The following EPHA5 variants were observed in gnomAD, a reference collection of about 807,000 sequenced individuals.
The protein encoded by EPHA5 is EPH receptor A5.
EPHA5 carries 60 observed loss-of-function variants against 105.0 expected under a neutral mutation model. That is an observed-to-expected ratio of 0.57 (90% CI 0.46 to 0.71). The LOEUF (loss-of-function observed/expected upper bound fraction) is 0.71, where lower values mean the gene tolerates loss of function less well. EPHA5 is among the 30% of genes least tolerant of loss of function. The pLI is 0.00. For missense variants in EPHA5, 1,218 were observed against 1,274.7 expected (o/e 0.96, Z 0.68); for synonymous variants, 513 against 449.1 (o/e 1.14, Z -1.80).
At chr4:65,637,057 A>G (rs1227608199) in intron 2 of EPHA5, among the ~76,000 whole-genome samples, 1 of 152,072 alleles carries the variant, frequency 6.6e-6, no homozygotes, top group East Asian at 1.9e-4. Context: ...CATGAGGCAG[A>G]CCAACAGGCA....
Position 65,459,955 on chromosome 4 carries a change from T to C in EPHA5, c.1402+30422A>G, listed in dbSNP as rs1192928908. Reference sequence around the variant, plus strand: ...TAAAAAGGAGAAAAATGTGTACTAGTGCTAATGCTGGGTATAGGGAACCCT... The same window carrying C: ...TAAAAAGGAGAAAAATGTGTACTAGCGCTAATGCTGGGTATAGGGAACCCT... On this transcript the variant is annotated intron_variant, in intron 5 of 16. Coordinates refer to ENST00000613740, the MANE Select transcript of EPHA5 (RefSeq NM_001281766.3). Among the ~76,000 whole-genome samples, 4 of 151,906 alleles carry C rather than the reference T, an allele frequency of 2.6e-5. No homozygotes were observed. In the East Asian group the frequency reaches 7.7e-4, roughly 29 times the overall value.
chr4:65,498,285 A>T (rs1360477226), intron 3 of EPHA5, among the ~76,000 whole-genome samples: 1 of 151,922 alleles, frequency 6.6e-6, no homozygotes, highest in Non-Finnish European at 1.5e-5. Flanking sequence ...ATTTTATTAG[A>T]TATTTGGTAC....
At chr4:65,473,997 A>G (rs1306224305) in intron 5 of EPHA5, among the ~76,000 whole-genome samples, 1 of 148,258 alleles carries the variant, frequency 6.7e-6, no homozygotes, top group African/African-American at 2.5e-5. Flanking sequence ...AGGAAGGGGG[A>G]CATCACACAC....
At chr4:65,379,002 T>A (rs1275123050) in intron 8 of EPHA5, among the ~76,000 whole-genome samples, 1 of 151,858 alleles carries the variant, frequency 6.6e-6, no homozygotes, top group Non-Finnish European at 1.5e-5. Flanking sequence ...TGTATCCAAT[T>A]GTTTGTTAAT....
intron 4 of EPHA5, among the ~76,000 whole-genome samples, chr4:65,493,337 T>A (rs1465652496): frequency 1.3e-5 from 2 of 152,174 alleles, no homozygotes; most frequent in Non-Finnish European, 2.9e-5. Flanking sequence ...TTTGTTTGAT[T>A]TTTTCCTGTA....
Position 65,321,422 on chromosome 4 carries a change from T to C in EPHA5, c.*2692A>G, listed in dbSNP as rs1719631364. The C allele has an allele frequency of 4.3e-6, 1 of 230,200 alleles. No individual in the cohort carries two copies. Among genetic ancestry groups the C allele is most frequent in the Non-Finnish European group, 8.6e-6 (1 of 116,148 alleles). The allele number at this position is 230,200 out of a possible 1,614,324, so 14.3% of individuals were successfully genotyped here. A position where few individuals can be genotyped will look rare whatever the true frequency, so the allele number is the denominator to read the frequency against. On this transcript the variant is annotated 3_prime_UTR_variant, in exon 17 of 17. Transcript: ENST00000613740. ...CCATTTCTCACACTTGCAGATGAGA[T>C]TGGCATTTTCCAATTGGTGACATAT...
chr4:65,617,539 CT>C (rs1745347535), intron 2 of EPHA5, among the ~76,000 whole-genome samples: 1 of 152,078 alleles, frequency 6.6e-6, no homozygotes, highest in Non-Finnish European at 1.5e-5. Context: ...ACAGAAAGAC[CT>C]TTTGAATAAC....
chr4:65,528,461 A>AG (rs1735452146), intron 3 of EPHA5, among the ~76,000 whole-genome samples: 4 of 152,184 alleles, frequency 2.6e-5, no homozygotes, highest in Admixed American at 2.6e-4. Context: ...TATCCTTAAG[A>AG]GAAAAAAAAA....
At chr4:65,434,789 A>C (rs1290290380) in intron 5 of EPHA5, among the ~76,000 whole-genome samples, 1 of 152,166 alleles carries the variant, frequency 6.6e-6, no homozygotes, top group East Asian at 1.9e-4. Flanking sequence ...GTTGTAGGCC[A>C]TCTCACTACT....
chr4:65,605,211 G>A (rs1247403302), intron 2 of EPHA5, among the ~76,000 whole-genome samples: 6 of 152,088 alleles, frequency 3.9e-5, no homozygotes, highest in African/African-American at 1.2e-4. Flanking sequence ...GGTCAGTTGC[G>A]TTCTAAACCC....
At chr4:65,581,977 T>C (rs1741668881) in intron 3 of EPHA5, among the ~76,000 whole-genome samples, 1 of 151,794 alleles carries the variant, frequency 6.6e-6, no homozygotes, top group African/African-American at 2.4e-5. Context: ...TTTTTATGTG[T>C]GTGAGCACCT....
At chr4:65,330,325 G>A (rs1720487718) in intron 16 of EPHA5, among the ~76,000 whole-genome samples, 1 of 150,870 alleles carries the variant, frequency 6.6e-6, no homozygotes, top group Non-Finnish European at 1.5e-5. Context: ...GGATAGAGGA[G>A]CAGATAGGAA....
chr4:65,522,136 T>C (rs942183698), intron 3 of EPHA5, among the ~76,000 whole-genome samples: 6 of 151,980 alleles, frequency 3.9e-5, no homozygotes, highest in Non-Finnish European at 2.9e-5. Context: ...AAGTCTAAGG[T>C]CTGTCCTGTC....
chr4:65,575,998 GAGAGAA>G lies in EPHA5; in HGVS notation c.910+25637_910+25642del, dbSNP rs753371677. ...CAAAAAAGAAAGAGAGAGAGAGAGA[GAGAGAA>G]AGAAAGAAAGAAAGAAAGAAAGAAA... On this transcript the variant is annotated intron_variant, in intron 3 of 16. Coordinates refer to ENST00000613740, the MANE Select transcript of EPHA5 (RefSeq NM_001281766.3). Among the ~76,000 whole-genome samples, 433 of 81,774 alleles carry G rather than the reference GAGAGAA, an allele frequency of 5.3e-3. 6 individuals are homozygous for G. The highest frequency in any genetic ancestry group is 8.8e-3 in the East Asian group (25 of 2,834). The allele number at this position is 81,774 out of a possible 152,430, so 53.6% of individuals were successfully genotyped here. A position where few individuals can be genotyped will look rare whatever the true frequency, so the allele number is the denominator to read the frequency against.
At chr4:65,518,490 A>C (rs1332550158) in intron 3 of EPHA5, among the ~76,000 whole-genome samples, 2 of 151,912 alleles carry the variant, frequency 1.3e-5, no homozygotes, top group Non-Finnish European at 2.9e-5. Context: ...TAGTACTTTA[A>C]TCTCCAAACT....
chr4:65,608,876 T>C (rs940490601), intron 2 of EPHA5, among the ~76,000 whole-genome samples: 2 of 152,206 alleles, frequency 1.3e-5, no homozygotes, highest in Non-Finnish European at 2.9e-5. Context: ...TTATAAATTA[T>C]TTTTTCTCTT....
chr4:65,336,351 T>C (rs1003738112), intron 14 of EPHA5, among the ~76,000 whole-genome samples: 2 of 152,094 alleles, frequency 1.3e-5, no homozygotes, highest in African/African-American at 4.8e-5. Flanking sequence ...TCACGTATTA[T>C]AAATAAAATA....
At chr4:65,572,010 T>A (rs1174521987) in intron 3 of EPHA5, among the ~76,000 whole-genome samples, 1 of 152,078 alleles carries the variant, frequency 6.6e-6, no homozygotes, top group African/African-American at 2.4e-5. Context: ...TAATTATTTT[T>A]AAATAATTTT....
At chr4:65,580,453 A>G (rs1206575721) in intron 3 of EPHA5, among the ~76,000 whole-genome samples, 2 of 151,862 alleles carry the variant, frequency 1.3e-5, no homozygotes, top group South Asian at 2.1e-4. Flanking sequence ...AGTCCTTCCA[A>G]TGATGATCTT....
Sources: gnomAD v4.1 joint callset for allele counts (sites outside exome capture counted in the v4.1 genomes callset) on GRCh38, gnomAD v4.1.1 for gene constraint, MANE v1.5 for transcripts, NCBI Gene and HGNC (gene_info 2026-07-23, HGNC 2026-07-21) for gene names.